Variants in NCK2 observed in about 807,000 individuals in gnomAD.
The protein encoded by NCK2 is cytoplasmic protein NCK2.
In NCK2, 16 loss-of-function variants were observed where a neutral mutation model predicts 33.9. The observed-to-expected ratio is 0.47, with a 90% CI of 0.32 to 0.72. The LOEUF (loss-of-function observed/expected upper bound fraction) is 0.72. Among genes scored for constraint, NCK2 ranks in the 30% least tolerant of loss-of-function variants. The probability of loss-of-function intolerance (pLI) is 0.03; values close to 1 mark genes in which losing one functional copy is unlikely to be tolerated. For synonymous variants in NCK2, 273 were observed against 239.9 expected (o/e 1.14, Z -1.27); for missense variants, 418 against 537.3 (o/e 0.78, Z 2.19).
At chr2:105,830,456 A>G (rs890514338) in intron 2 of NCK2, among the ~76,000 whole-genome samples, 26 of 151,814 alleles carry the variant, frequency 1.7e-4, no homozygotes, top group Admixed American at 1.2e-3. Context: ...TATGTACCAC[A>G]TTTTCTTTAT....
At chr2:105,774,578 C>A (rs1192680883) in intron 1 of NCK2, among the ~76,000 whole-genome samples, 1 of 152,036 alleles carries the variant, frequency 6.6e-6, no homozygotes, top group Non-Finnish European at 1.5e-5. Flanking sequence ...TCAATTTGGG[C>A]AGGTGTCCAC....
intron 1 of NCK2, among the ~76,000 whole-genome samples, chr2:105,811,880 C>T (rs759206258): frequency 6.6e-6 from 1 of 152,126 alleles, no homozygotes; most frequent in Non-Finnish European, 1.5e-5. Context: ...TTGCTATTTC[C>T]TTCTTTTCTC....
At chr2:105,862,180 A>G (rs1677567098) in intron 3 of NCK2, among the ~76,000 whole-genome samples, 1 of 152,138 alleles carries the variant, frequency 6.6e-6, no homozygotes, top group South Asian at 2.1e-4. Flanking sequence ...TTTTTATATC[A>G]GTGGTAAAGA....
intron 1 of NCK2, among the ~76,000 whole-genome samples, chr2:105,790,462 A>C (rs1285393826): frequency 6.6e-6 from 1 of 152,206 alleles, no homozygotes; most frequent in Non-Finnish European, 1.5e-5. Flanking sequence ...ACCCCTCTGC[A>C]GGCAGCCTGG....
chr2:105,850,360 T>C (rs550859958), intron 2 of NCK2, among the ~76,000 whole-genome samples: 2 of 152,302 alleles, frequency 1.3e-5, no homozygotes, highest in South Asian at 4.1e-4. Context: ...TTTTAGGCGT[T>C]AGTGAAAACT....
chr2:105,792,504 C>G (rs1690923309), intron 1 of NCK2, among the ~76,000 whole-genome samples: 1 of 152,148 alleles, frequency 6.6e-6, no homozygotes, highest in East Asian at 1.9e-4. Context: ...ATTTTCCCAC[C>G]TGTCTCAAAA....
intron 1 of NCK2, among the ~76,000 whole-genome samples, chr2:105,748,547 G>A (rs980571454): frequency 6.6e-6 from 1 of 152,068 alleles, no homozygotes; most frequent in Non-Finnish European, 1.5e-5. Context: ...GACTACGGGT[G>A]TGCACCACCA....
chr2:105,768,968 ACCCC>A (rs1690037305), intron 1 of NCK2, among the ~76,000 whole-genome samples: 1 of 151,434 alleles, frequency 6.6e-6, no homozygotes, highest in Non-Finnish European at 1.5e-5. Context: ...CTGGCCCCCC[ACCCC>A]TCCCAGAGGT....
intron 1 of NCK2, among the ~76,000 whole-genome samples, chr2:105,787,983 C>T (rs2104417872): frequency 6.6e-6 from 1 of 152,024 alleles, no homozygotes; most frequent in Non-Finnish European, 1.5e-5. Context: ...CTGGGCTCCA[C>T]GTGCCACCAG....
At chr2:105,765,380 G>A (rs1384195557) in intron 1 of NCK2, among the ~76,000 whole-genome samples, 4 of 152,188 alleles carry the variant, frequency 2.6e-5, no homozygotes, top group African/African-American at 9.7e-5. Flanking sequence ...CAGGGACTCT[G>A]CCAGTAGTGC....
At chr2:105,767,753 C>T (rs141457072) in intron 1 of NCK2, among the ~76,000 whole-genome samples, 1 of 152,132 alleles carries the variant, frequency 6.6e-6, no homozygotes, top group African/African-American at 2.4e-5. Context: ...TTTATTGGCG[C>T]GAGGTTTGAG....
Position 105,825,280 on chromosome 2 carries a change from G to A in NCK2, c.-17+8667G>A, listed in dbSNP as rs184819607. 1.2e-4 allele frequency among the ~76,000 whole-genome samples: 18 copies of A among 152,284 alleles called. No individual in the cohort carries two copies. The South Asian group carries it at 1.2e-3, about 11-fold the overall frequency. On this transcript the variant is annotated intron_variant, in intron 2 of 4. Coordinates refer to ENST00000233154, the MANE Select transcript of NCK2 (RefSeq NM_003581.5). ...GTTAACGCTGATCTTCCCTAAAGGGGCCTTCTACTCTAAGGGCTTTCATTT... is the reference window on the plus strand; with the variant it reads ...GTTAACGCTGATCTTCCCTAAAGGGACCTTCTACTCTAAGGGCTTTCATTT...
intron 1 of NCK2, among the ~76,000 whole-genome samples, chr2:105,787,817 G>A (rs930882827): frequency 2.0e-5 from 3 of 152,122 alleles, no homozygotes; most frequent in African/African-American, 7.2e-5. Flanking sequence ...GGAAAATTAC[G>A]GCCATAACTT....
At chr2:105,871,542 CT>C (rs930166676) in intron 3 of NCK2, among the ~76,000 whole-genome samples, 28 of 151,886 alleles carry the variant, frequency 1.8e-4, no homozygotes, top group African/African-American at 6.8e-4. Context: ...GTCGCCCAGG[CT>C]GGAGTGCAGT....
In NCK2 at chr2:105,772,842, C is replaced by A. The variant is rs190170568; in HGVS notation, c.-201+27704C>A. ...TTGCCCTGCATCTAGGTCTCCTGGT[C>A]CTTCCTTCACAGTGTGTTCCTGGCG... is the stretch of plus-strand genomic sequence containing the variant. On this transcript the variant is annotated intron_variant, in intron 1 of 4. Coordinates refer to ENST00000233154, the MANE Select transcript of NCK2 (RefSeq NM_003581.5). Among the ~76,000 whole-genome samples, 110 of 151,704 alleles carry A rather than the reference C, an allele frequency of 7.3e-4. 1 individual carries two copies. The highest frequency in any genetic ancestry group is 2.6e-3 in the African/African-American group (107 of 41,432).
intron 1 of NCK2, among the ~76,000 whole-genome samples, chr2:105,815,799 A>G (rs1222492301): frequency 1.3e-5 from 2 of 152,128 alleles, no homozygotes; most frequent in Non-Finnish European, 1.5e-5. Flanking sequence ...AACAATATCC[A>G]TGCCCTTTGT....
In NCK2 at chr2:105,881,993, G is replaced by A; in HGVS notation, c.892G>A (p.Ala298Thr). ...GNVTRHQAEC[A>T]LNERGVEGDF... ...CGTGACGCGGCACCAGGCCGAGTGC[G>A]CCCTCAACGAGCGGGGCGTGGAGGG... The change falls in exon 4 of 5, where the codon GCC (alanine) becomes ACC (threonine). Residue 298 changes from alanine (A) to threonine (T), a missense_variant. Ala to Thr is a moderately conservative substitution (Grantham distance 58). Transcript: ENST00000233154. The A allele has an allele frequency of 1.3e-6, 2 of 1,510,804 alleles. No homozygotes were observed. The highest frequency in any genetic ancestry group is 1.8e-6 in the Non-Finnish European group (2 of 1,129,524). 93.6% of individuals were successfully genotyped at this position (1,510,804 alleles called of 1,614,324 possible).
chr2:105,892,203 A>G lies in NCK2; in HGVS notation c.949-779A>G, dbSNP rs186821670. On this transcript the variant is annotated intron_variant, in intron 4 of 4. Transcript: ENST00000233154. ...GCGTCTCAAAAAAAAAAAGAATTAG[A>G]AAAATTTTGATGTCTTAATTTCTAA... is the stretch of plus-strand genomic sequence containing the variant. Among the ~76,000 whole-genome samples the G allele has an allele frequency of 5.2e-3, 788 of 152,302 alleles. 6 individuals are homozygous for G. Among genetic ancestry groups the G allele is most frequent in the Non-Finnish European group, 9.2e-3 (627 of 68,026 alleles).
chr2:105,876,402 C>T (rs1370659326), intron 3 of NCK2, among the ~76,000 whole-genome samples: 1 of 152,200 alleles, frequency 6.6e-6, no homozygotes, highest in Non-Finnish European at 1.5e-5. Context: ...CTGAAGGATC[C>T]ACCTGGCCTG....
Sources: gnomAD v4.1 joint callset for allele counts (sites outside exome capture counted in the v4.1 genomes callset) on GRCh38, gnomAD v4.1.1 for gene constraint, MANE v1.5 for transcripts, NCBI Gene and HGNC (gene_info 2026-07-23, HGNC 2026-07-21) for gene names.